CUL1: variants seen among roughly 807,000 people sequenced by gnomAD.
CUL1 encodes the protein cullin 1.
A neutral mutation model predicts 118.0 loss-of-function variants in CUL1; 24 were observed. The observed-to-expected ratio is 0.20, with a 90% confidence interval of 0.15 to 0.29. CUL1 has a LOEUF of 0.29. Ranked by LOEUF, CUL1 falls within the 10% of genes least tolerant of loss-of-function variation. The pLI, the probability that CUL1 is intolerant of heterozygous loss-of-function variation, is 1.00. For missense variants in CUL1, 361 were observed against 933.8 expected, an observed-to-expected ratio of 0.39 and a Z score of 7.99; for synonymous variants, 332 against 340.4, an observed-to-expected ratio of 0.98 and a Z score of 0.27.
intron 7 of CUL1, among the ~76,000 whole-genome samples, chr7:148,761,245 T>C (rs938724663): frequency 6.6e-6 from 1 of 152,102 alleles, no homozygotes. Context: ...TGGTGGCTCA[T>C]GCCTGTAATC....
chr7:148,744,551 T>C (rs770779697), intron 2 of CUL1, among the ~76,000 whole-genome samples: 6 of 152,168 alleles, frequency 3.9e-5, no homozygotes, highest in Non-Finnish European at 8.8e-5. Context: ...GGAATTGTGG[T>C]TGTATAGTTC....
At chr7:148,791,193 C>T (rs1354608959) in intron 16 of CUL1, among the ~76,000 whole-genome samples, 1 of 152,174 alleles carries the variant, frequency 6.6e-6, no homozygotes, top group Non-Finnish European at 1.5e-5. Flanking sequence ...AAAGTCCAAG[C>T]TCTTTCTACT....
At chr7:148,703,657 C>T (rs989454072) in intron 1 of CUL1, among the ~76,000 whole-genome samples, 9 of 151,860 alleles carry the variant, frequency 5.9e-5, no homozygotes, top group Non-Finnish European at 7.4e-5. Flanking sequence ...CTCAGCCTCC[C>T]GAGTAGCTGG....
At chr7:148,756,077 GA>G (rs1799646667) in intron 3 of CUL1, among the ~76,000 whole-genome samples, 2 of 151,966 alleles carry the variant, frequency 1.3e-5, no homozygotes, top group Admixed American at 1.3e-4. Context: ...TAATCCCTAA[GA>G]AAAAAAATTC....
At chr7:148,737,267 C>T (rs199865295) in intron 2 of CUL1, among the ~76,000 whole-genome samples, 5 of 151,166 alleles carry the variant, frequency 3.3e-5, no homozygotes, top group East Asian at 1.9e-4. Context: ...GTTTGATTCA[C>T]GGTAATTATA....
chr7:148,725,219 G>GCGCACACACACACACACA, intron 1 of CUL1, among the ~76,000 whole-genome samples: 1,731 of 140,086 alleles, frequency 0.012, 24 homozygotes, highest in Non-Finnish European at 0.018. Context: ...ACACGCGCGC[G>GCGCACACACACACACACA]CTCACACACA....
intron 1 of CUL1, among the ~76,000 whole-genome samples, chr7:148,715,483 A>G (rs1201573304): frequency 6.6e-6 from 1 of 152,180 alleles, no homozygotes; most frequent in Non-Finnish European, 1.5e-5. Context: ...AGTTTCATGG[A>G]TGAGCCTCCT....
intron 4 of CUL1, among the ~76,000 whole-genome samples, chr7:148,758,516 C>CTG (rs1398261300): frequency 6.6e-6 from 1 of 152,088 alleles, no homozygotes; most frequent in East Asian, 1.9e-4. Flanking sequence ...ACACATGAGG[C>CTG]TGAGGTGGAA....
rs904052021 is a variant in CUL1 at position 148,701,395 on chromosome 7, G to A, written c.-162+2366G>A. The stretch of plus-strand genomic sequence containing the variant: ...TAGTACAGGGCCCTAACAGAAAAAT[G>A]CCCAGGTTTTCTATACCTATGGAAG... On this transcript the variant is annotated intron_variant, in intron 1 of 21. Coordinates refer to ENST00000325222, the MANE Select transcript of CUL1 (RefSeq NM_003592.3). 5.3e-5 allele frequency among the ~76,000 whole-genome samples: 8 copies of A among 152,150 alleles called. No homozygotes were observed. The East Asian group carries it at 1.5e-3, about 29-fold the overall frequency.
chr7:148,718,476 A>G (rs1456195516), intron 1 of CUL1, among the ~76,000 whole-genome samples: 1 of 152,116 alleles, frequency 6.6e-6, no homozygotes, highest in Non-Finnish European at 1.5e-5. Flanking sequence ...ATGGAGTCAT[A>G]TGATACGTGG....
chr7:148,719,911 G>A (rs1584765419), intron 1 of CUL1, among the ~76,000 whole-genome samples: 1 of 152,304 alleles, frequency 6.6e-6, no homozygotes, highest in Non-Finnish European at 1.5e-5. Context: ...GAGGTGGAAT[G>A]AGAAACTCCT....
rs561906021 is a variant in CUL1, at chr7:148,704,572, CT to C, written c.-162+5544del. Among the ~76,000 whole-genome samples, 168 of 151,940 alleles carry C rather than the reference CT, an allele frequency of 1.1e-3. 3 individuals are homozygous for C. Among genetic ancestry groups the C allele is most frequent in the Admixed American group, 9.6e-3 (147 of 15,264 alleles). ...TTAAGCATTTGTTTTCGTTTTTTTG[CT>C]GTTGTTAAGGATGATTATTTCAGCA... On this transcript the variant is annotated intron_variant, in intron 1 of 21. Transcript: ENST00000325222.
At chr7:148,772,371 C>T (rs1800241055) in intron 9 of CUL1, among the ~76,000 whole-genome samples, 2 of 151,280 alleles carry the variant, frequency 1.3e-5, no homozygotes, top group African/African-American at 4.9e-5. Context: ...GCCAAGATTG[C>T]ACTGCTGCAC....
At chr7:148,759,708 A>G (rs1799776857) in intron 6 of CUL1, 70 bp downstream of exon 6, 3 of 719,746 alleles carry the variant, frequency 4.2e-6, no homozygotes, top group Non-Finnish European at 6.8e-6. Flanking sequence ...GCTCTAACAG[A>G]TGTCATTTTT....
In CUL1 at chr7:148,699,710, A is replaced by T. The variant is rs373742958; in HGVS notation, c.-162+681A>T. Among the ~76,000 whole-genome samples, 9 of 152,130 alleles carry T rather than the reference A, an allele frequency of 5.9e-5. No homozygotes were observed. In the East Asian group the frequency reaches 9.7e-4, roughly 16 times the overall value. ...TTCTCCTGGGAGAGCGGGCCGGGGC[A>T]TGCGCGCAGGGATGCTAGCCCGGCG... On this transcript the variant is annotated intron_variant, in intron 1 of 21. Coordinates refer to ENST00000325222, the MANE Select transcript of CUL1 (RefSeq NM_003592.3).
intron 9 of CUL1, among the ~76,000 whole-genome samples, chr7:148,779,743 A>G (rs1028326503): frequency 2.6e-5 from 4 of 152,180 alleles, no homozygotes; most frequent in Non-Finnish European, 4.4e-5. Context: ...GTGATGATTA[A>G]TATTGAGTGT....
In CUL1 at chr7:148,766,384, C is replaced by T. The variant is rs142181772; in HGVS notation, c.790-177C>T. On this transcript the variant is annotated intron_variant, in intron 7 of 21. Coordinates refer to ENST00000325222, the MANE Select transcript of CUL1 (RefSeq NM_003592.3). ...CGAGCAATCCTCCTGCTTCAGCCACCCAAAGTGGCTGAGCCATCATGCCCA... is the reference window on the plus strand; with the variant it reads ...CGAGCAATCCTCCTGCTTCAGCCACTCAAAGTGGCTGAGCCATCATGCCCA... 1.1e-3 allele frequency among the ~76,000 whole-genome samples: 162 copies of T among 152,288 alleles called. 1 individual carries two copies. Among genetic ancestry groups the T allele is most frequent in the Middle Eastern group, 0.01 (3 of 294 alleles).
chr7:148,711,394 G>A (rs1798045009), intron 1 of CUL1, among the ~76,000 whole-genome samples: 1 of 152,226 alleles, frequency 6.6e-6, no homozygotes, highest in South Asian at 2.1e-4. Flanking sequence ...CTCACTGTGA[G>A]CCTTGAGTGG....
chr7:148,762,061 A>T (rs1045618013), intron 7 of CUL1, among the ~76,000 whole-genome samples: 7 of 152,180 alleles, frequency 4.6e-5, no homozygotes, highest in Non-Finnish European at 1.0e-4. Flanking sequence ...AGTTCCTAAC[A>T]GGCCACAGAC....
Sources: allele counts gnomAD v4.1 joint callset (sites outside exome capture counted in the v4.1 genomes callset), GRCh38; gene constraint gnomAD v4.1.1; transcripts MANE v1.5; gene names NCBI Gene and HGNC (gene_info 2026-07-23, HGNC 2026-07-21).